ATF7IP: variants seen among roughly 807,000 people sequenced by gnomAD.
The protein encoded by ATF7IP is activating transcription factor 7-interacting protein 1.
ATF7IP carries 23 observed loss-of-function variants against 106.4 expected under a neutral mutation model. The ratio of observed to expected loss-of-function variants is 0.22; its 90% CI spans 0.16 to 0.31. ATF7IP has a LOEUF of 0.31. Among genes scored for constraint, ATF7IP ranks in the 10% least tolerant of loss-of-function variants. ATF7IP has a pLI of 1.00. For missense variants in ATF7IP, 1,334 were observed against 1,524.3 expected, an observed-to-expected ratio of 0.88 and a Z score of 2.08; for synonymous variants, 542 against 539.0, an observed-to-expected ratio of 1.01 and a Z score of -0.08.
At chr12:14,374,739 G>C (rs1432082753) in intron 1 of ATF7IP, among the ~76,000 whole-genome samples, 2 of 152,114 alleles carry the variant, frequency 1.3e-5, no homozygotes, top group Non-Finnish European at 2.9e-5. Context: ...TAATAGCTCT[G>C]TGATACAAAT....
At chr12:14,492,171 G>T (rs12813103) in intron 13 of ATF7IP, among the ~76,000 whole-genome samples, 43 of 152,204 alleles carry the variant, frequency 2.8e-4, no homozygotes, top group Admixed American at 5.2e-4. Context: ...ATGAATCCAG[G>T]AATCCACTGG....
intron 1 of ATF7IP, among the ~76,000 whole-genome samples, chr12:14,418,509 C>T (rs1007800310): frequency 1.3e-5 from 2 of 152,042 alleles, no homozygotes; most frequent in African/African-American, 2.4e-5. Flanking sequence ...TAGTTCTAGG[C>T]GACAGTACTA....
At chr12:14,458,673 A>G (rs551967479) in intron 8 of ATF7IP, among the ~76,000 whole-genome samples, 1 of 152,282 alleles carries the variant, frequency 6.6e-6, no homozygotes, top group East Asian at 1.9e-4. Flanking sequence ...AAATACAAAA[A>G]GTAGCCAGAC....
rs1296453019 is a variant in ATF7IP at position 14,466,585 on chromosome 12, T to C, written c.2857T>C (p.Ser953Pro). ...CAGTAAGAAAGCAGCTGATAGCACA[T>C]CACAGGTAAGATTTTTCCTTCTTCT... ...SVSKKAADST[S>P]QCGKATGSDS... is the part of the protein sequence containing the mutation. Residue 953 changes from serine (S) to proline (P), a missense_variant, in exon 10 of 15, where the codon TCA (serine) becomes CCA (proline). By Grantham distance (74) the Ser-to-Pro change is moderately conservative. This residue lies in a region of ATF7IP where 370 missense variants were observed against 401.2 expected (regional missense o/e 0.92). Coordinates refer to ENST00000261168, the MANE Select transcript of ATF7IP (RefSeq NM_018179.5). 1 of 1,598,952 alleles carries C rather than the reference T, an allele frequency of 6.3e-7. No homozygotes were observed. Among genetic ancestry groups the C allele is most frequent in the East Asian group, 2.3e-5 (1 of 44,342 alleles).
intron 10 of ATF7IP, among the ~76,000 whole-genome samples, chr12:14,471,501 T>C (rs1372476892): frequency 6.6e-6 from 1 of 152,226 alleles, no homozygotes; most frequent in Non-Finnish European, 1.5e-5. Context: ...AAAGTTTCCC[T>C]CTTTGTCTCT....
chr12:14,375,742 A>G (rs1216951964), intron 1 of ATF7IP, among the ~76,000 whole-genome samples: 1 of 152,210 alleles, frequency 6.6e-6, no homozygotes, highest in East Asian at 1.9e-4. Context: ...ATATGATTAG[A>G]TATATAAAAT....
intron 2 of ATF7IP, among the ~76,000 whole-genome samples, chr12:14,431,194 C>T (rs1942103859): frequency 1.3e-5 from 2 of 152,098 alleles, no homozygotes; most frequent in Non-Finnish European, 2.9e-5. Flanking sequence ...TCAGCTATTT[C>T]TCAAAGTGTT....
chr12:14,402,087 T>A (rs11837651), intron 1 of ATF7IP, among the ~76,000 whole-genome samples: 2 of 150,480 alleles, frequency 1.3e-5, no homozygotes, highest in East Asian at 1.9e-4. Context: ...TTTCTTTCTG[T>A]CTGTCTTTCT....
chr12:14,424,781 T>C lies in ATF7IP; in HGVS notation c.866T>C (p.Phe289Ser). 6.2e-7 allele frequency: 1 copy of C among 1,614,132 alleles called. No homozygotes were observed. The highest frequency in any genetic ancestry group is 8.5e-7 in the Non-Finnish European group (1 of 1,180,010). The change falls in exon 2 of 15, where the codon TTT becomes TCT. Residue 289 changes from phenylalanine to serine, a missense_variant. Transcript: ENST00000261168. ...LTSESTFDRT[F>S]EPKSVPVCEP... ...TCTGAATCAACCTTTGATCGTACCTTTGAACCAAAGTCTGTACCAGTTTGT... is the reference window on the plus strand; with the variant it reads ...TCTGAATCAACCTTTGATCGTACCTCTGAACCAAAGTCTGTACCAGTTTGT...
chr12:14,416,922 G>A (rs1342301773), intron 1 of ATF7IP: 1 of 985,134 alleles, frequency 1.0e-6, no homozygotes, highest in African/African-American at 1.7e-5. Context: ...TAAACTAAGA[G>A]TATGGCTGCA....
chr12:14,455,182 C>CA (rs71438317), intron 6 of ATF7IP, among the ~76,000 whole-genome samples: 6,380 of 89,368 alleles, frequency 0.071, 211 homozygotes, highest in Non-Finnish European at 0.082. Context: ...GACTCTATCT[C>CA]AAAAAAAAAA....
chr12:14,461,453 C>T (rs7970609), intron 9 of ATF7IP, among the ~76,000 whole-genome samples: 7,496 of 151,948 alleles, frequency 0.049, 626 homozygotes, highest in African/African-American at 0.17. Flanking sequence ...CCAGCAATAT[C>T]GTTTAAAACA....
At chr12:14,436,800 AAG>A (rs1246766061) in intron 4 of ATF7IP, among the ~76,000 whole-genome samples, 4 of 151,626 alleles carry the variant, frequency 2.6e-5, no homozygotes, top group African/African-American at 9.7e-5. Flanking sequence ...TTTTTTAAAA[AAG>A]GTTATGATTA....
intron 10 of ATF7IP, among the ~76,000 whole-genome samples, chr12:14,467,522 A>G (rs1943879799): frequency 6.6e-6 from 1 of 152,184 alleles, no homozygotes; most frequent in South Asian, 2.1e-4. Flanking sequence ...GGTTATAACT[A>G]TGTTTTCAAT....
intron 1 of ATF7IP, among the ~76,000 whole-genome samples, chr12:14,375,273 C>G (rs1235325732): frequency 1.3e-5 from 2 of 151,376 alleles, no homozygotes; most frequent in African/African-American, 4.9e-5. Flanking sequence ...GATGAATTGT[C>G]ATGGGAAGAT....
chr12:14,442,522 G>A (rs7299037), intron 5 of ATF7IP, among the ~76,000 whole-genome samples: 81,125 of 152,006 alleles, frequency 0.53, 22,175 homozygotes, highest in African/African-American at 0.66. Flanking sequence ...GTTGAGATCA[G>A]TTGTGCTCAT....
chr12:14,464,345 G>T (rs115989793), intron 9 of ATF7IP, among the ~76,000 whole-genome samples: 1 of 152,056 alleles, frequency 6.6e-6, no homozygotes, highest in Non-Finnish European at 1.5e-5. Flanking sequence ...ACAAACAAAC[G>T]AGAGTTTAAA....
At chr12:14,456,748 G>A in intron 7 of ATF7IP, 114 bp downstream of exon 7, 1 of 723,436 alleles carries the variant, frequency 1.4e-6, no homozygotes, top group South Asian at 1.9e-5. Flanking sequence ...TAAGTGTTTG[G>A]TGTACTTGGT....
chr12:14,376,991 T>G (rs918233837), intron 1 of ATF7IP, among the ~76,000 whole-genome samples: 1 of 152,174 alleles, frequency 6.6e-6, no homozygotes, highest in African/African-American at 2.4e-5. Flanking sequence ...TTTGTGTTTA[T>G]TTATTTGTTT....
Sources: gnomAD v4.1 joint callset for allele counts (sites outside exome capture counted in the v4.1 genomes callset) on GRCh38, gnomAD v4.1.1 for gene constraint, gnomAD v4.1.1 regional missense constraint, MANE v1.5 for transcripts, NCBI Gene and HGNC (gene_info 2026-07-23, HGNC 2026-07-21) for gene names.